BTBD9: variants seen among roughly 807,000 people sequenced by gnomAD.
The protein encoded by BTBD9 is BTB domain containing 9.
BTBD9 carries 49 observed loss-of-function variants against 64.3 expected under a neutral mutation model. The ratio of observed to expected loss-of-function variants is 0.76; its 90% CI spans 0.61 to 0.97. The LOEUF (loss-of-function observed/expected upper bound fraction) is 0.97. Among genes scored for constraint, BTBD9 ranks in the 50% least tolerant of loss-of-function variants. The pLI is 0.00. For missense variants in BTBD9, 598 were observed against 762.1 expected (o/e 0.78, Z 2.53); for synonymous variants, 260 against 274.7 (o/e 0.95, Z 0.53).
intron 6 of BTBD9, among the ~76,000 whole-genome samples, chr6:38,451,523 C>A (rs1022799164): frequency 2.6e-5 from 4 of 152,166 alleles, no homozygotes; most frequent in Non-Finnish European, 5.9e-5. Context: ...ATAACTCCCA[C>A]TCACCTTAAA....
chr6:38,584,191 G>A (rs1776410322), intron 4 of BTBD9, among the ~76,000 whole-genome samples: 3 of 152,200 alleles, frequency 2.0e-5, no homozygotes, highest in Admixed American at 2.0e-4. Context: ...AGCTGAGCGT[G>A]GTAGTACATG....
At chr6:38,491,225 C>T (rs1348209667) in intron 6 of BTBD9, among the ~76,000 whole-genome samples, 1 of 152,182 alleles carries the variant, frequency 6.6e-6, no homozygotes, top group African/African-American at 2.4e-5. Flanking sequence ...TGTCCTCTGT[C>T]CCGTGGAAAT....
In BTBD9 at chr6:38,230,013, G is replaced by A. The variant is rs147073448; in HGVS notation, c.1562+26396C>T. On this transcript the variant is annotated intron_variant, in intron 9 of 10. Coordinates refer to ENST00000481247, the MANE Select transcript of BTBD9 (RefSeq NM_001099272.2). ...CCTCTCCCTCATCCCCATCCTGACC[G>A]CCAGTCCATTCTACCAGCAATACAT... Among the ~76,000 whole-genome samples, 393 of 152,200 alleles carry A rather than the reference G, an allele frequency of 2.6e-3. 1 individual carries two copies. Among genetic ancestry groups the A allele is most frequent in the Admixed American group, 4.3e-3 (65 of 15,284 alleles).
rs1314891915 is a variant in BTBD9 at position 38,446,940 on chromosome 6, C to A, written c.1155-101847G>T. Among the ~76,000 whole-genome samples the A allele has an allele frequency of 1.3e-5, 2 of 152,176 alleles. 1 individual carries two copies. Among genetic ancestry groups the A allele is most frequent in the Middle Eastern group, 6.3e-3 (2 of 316 alleles). Reference sequence around the variant, plus strand: ...AATTAAACCAGGGCAGGCAAAATTCCTGTACACATGGCTAATTAGAAAGTC... The same window carrying A: ...AATTAAACCAGGGCAGGCAAAATTCATGTACACATGGCTAATTAGAAAGTC... On this transcript the variant is annotated intron_variant, in intron 6 of 10. Transcript: ENST00000481247.
At chr6:38,360,830 G>A (rs535713689) in intron 6 of BTBD9, among the ~76,000 whole-genome samples, 8 of 152,270 alleles carry the variant, frequency 5.3e-5, no homozygotes, top group Non-Finnish European at 1.2e-4. Flanking sequence ...ACAAGATAAC[G>A]GCTAGAGGGA....
At chr6:38,423,882 AAGT>A (rs370165115) in intron 6 of BTBD9, among the ~76,000 whole-genome samples, 2 of 150,632 alleles carry the variant, frequency 1.3e-5, no homozygotes, top group Non-Finnish European at 1.5e-5. Context: ...CTATATTTTT[AAGT>A]AGTTCACGAC....
intron 9 of BTBD9, among the ~76,000 whole-genome samples, chr6:38,226,463 C>T (rs1582079463): frequency 6.6e-6 from 1 of 152,092 alleles, no homozygotes; most frequent in South Asian, 2.1e-4. Flanking sequence ...GCTTGGATGG[C>T]GTGCAGCAGC....
intron 1 of BTBD9, among the ~76,000 whole-genome samples, chr6:38,601,677 C>A (rs2127500750): frequency 6.6e-6 from 1 of 151,906 alleles, no homozygotes; most frequent in African/African-American, 2.4e-5. Flanking sequence ...CACAGCAAGA[C>A]CCTGTCTCAA....
intron 9 of BTBD9, among the ~76,000 whole-genome samples, chr6:38,216,062 G>C (rs1005477018): frequency 2.6e-5 from 4 of 152,160 alleles, no homozygotes; most frequent in Admixed American, 6.5e-5. Flanking sequence ...GCACGGCTCT[G>C]TTCTATAATT....
intron 7 of BTBD9, among the ~76,000 whole-genome samples, chr6:38,304,222 A>G (rs1210681807): frequency 2.0e-5 from 3 of 152,012 alleles, no homozygotes; most frequent in Non-Finnish European, 4.4e-5. Context: ...GCAATTTGAT[A>G]ATCAACTCTA....
At chr6:38,440,336 G>A (rs1250329879) in intron 6 of BTBD9, among the ~76,000 whole-genome samples, 1 of 152,210 alleles carries the variant, frequency 6.6e-6, no homozygotes, top group African/African-American at 2.4e-5. Context: ...CCAGAGAAGA[G>A]AGGTGTCCTG....
At chr6:38,282,554 GA>G (rs1028280212) in intron 8 of BTBD9, among the ~76,000 whole-genome samples, 1 of 152,192 alleles carries the variant, frequency 6.6e-6, no homozygotes, top group Non-Finnish European at 1.5e-5. Context: ...TGGCGCTGAA[GA>G]AACACTGAAA....
intron 9 of BTBD9, among the ~76,000 whole-genome samples, chr6:38,253,936 A>T (rs1764486969): frequency 6.7e-6 from 1 of 150,276 alleles, no homozygotes; most frequent in Non-Finnish European, 1.5e-5. Context: ...TGGTAACAAG[A>T]TCTGTGCTCC....
chr6:38,575,001 T>C (rs989102228), intron 6 of BTBD9, among the ~76,000 whole-genome samples: 8 of 152,348 alleles, frequency 5.3e-5, no homozygotes, highest in South Asian at 2.1e-4. Context: ...ACATAAGGTA[T>C]CATTTTTGTA....
At chr6:38,275,371 G>A (rs796875960) in intron 8 of BTBD9, among the ~76,000 whole-genome samples, 5 of 152,060 alleles carry the variant, frequency 3.3e-5, no homozygotes, top group South Asian at 2.1e-4. Flanking sequence ...AGACTTAAAC[G>A]TTAGACCTAA....
chr6:38,195,189 G>A (rs1390836233), intron 9 of BTBD9, among the ~76,000 whole-genome samples: 1 of 152,216 alleles, frequency 6.6e-6, no homozygotes, highest in Non-Finnish European at 1.5e-5. Flanking sequence ...TGGCACCAGA[G>A]TGGTCACCAC....
chr6:38,417,465 C>T (rs1767717093), intron 6 of BTBD9, among the ~76,000 whole-genome samples: 1 of 152,208 alleles, frequency 6.6e-6, no homozygotes. Flanking sequence ...CCTCTGTGCC[C>T]TAGCACTTAA....
At chr6:38,540,157 G>A (rs1052215642) in intron 6 of BTBD9, among the ~76,000 whole-genome samples, 7 of 152,260 alleles carry the variant, frequency 4.6e-5, no homozygotes, top group East Asian at 1.9e-4. Flanking sequence ...CCAAAAAGGC[G>A]GCATATAGGA....
chr6:38,436,372 ATTT>A (rs10647439), intron 6 of BTBD9, among the ~76,000 whole-genome samples: 8 of 118,316 alleles, frequency 6.8e-5, no homozygotes, highest in African/African-American at 1.7e-4. Flanking sequence ...CCCCAATTCT[ATTT>A]TTTTTTTTTT....
Sources: allele counts gnomAD v4.1 joint callset (sites outside exome capture counted in the v4.1 genomes callset), GRCh38; gene constraint gnomAD v4.1.1; transcripts MANE v1.5; gene names NCBI Gene and HGNC (gene_info 2026-07-23, HGNC 2026-07-21).